Variants in DCAKD observed in about 807,000 individuals in gnomAD.
DCAKD encodes dephospho-CoA kinase domain-containing protein.
A neutral mutation model predicts 18.7 loss-of-function variants in DCAKD; 15 were observed. The observed-to-expected ratio is 0.80, with a 90% CI of 0.54 to 1.24. The LOEUF is 1.24. Ranked by LOEUF, DCAKD falls within the 50% of genes most tolerant of loss-of-function variation. DCAKD has a pLI of 0.00. For missense variants in DCAKD, 301 were observed against 322.0 expected, an observed-to-expected ratio of 0.93 and a Z score of 0.50; for synonymous variants, 130 against 133.0, an observed-to-expected ratio of 0.98 and a Z score of 0.16.
chr17:45,034,706 G>A (rs2053250031), intron 2 of DCAKD, 68 bp downstream of exon 2: 2 of 1,503,630 alleles, frequency 1.3e-6, no homozygotes, highest in South Asian at 2.4e-5. Flanking sequence ...AAAAAAGGAG[G>A]CATGGCAGAA....
intron 1 of DCAKD, among the ~76,000 whole-genome samples, chr17:45,049,713 C>CT (rs57106886): frequency 0.099 from 11,068 of 111,344 alleles, 753 homozygotes; most frequent in African/African-American, 0.15. Flanking sequence ...TTTTCTTTTC[C>CT]TTTTTTTTTT....
chr17:45,060,941 G>A (rs2053843743), exon 1 of DCAKD: 1 of 846,506 alleles, frequency 1.2e-6, no homozygotes, highest in Non-Finnish European at 1.4e-6. Flanking sequence ...CAGCGGCCCA[G>A]GCACTGGCAA....
intron 3 of DCAKD, among the ~76,000 whole-genome samples, chr17:45,032,448 C>G (rs1222476498): frequency 2.0e-5 from 3 of 152,000 alleles, no homozygotes; most frequent in Admixed American, 1.3e-4. Flanking sequence ...GTTGCTCACT[C>G]AAGGCATGAC....
chr17:45,034,964 G>A lies in DCAKD; in HGVS notation c.-79C>T, dbSNP rs1172164721. ...ACTGGAGAGCAGGGCAAGTGTGGCC[G>A]ATGGGGGCGGTCCACCAGAGGAGTG... is the stretch of plus-strand genomic sequence containing the variant. On this transcript the variant is annotated 5_prime_UTR_variant, in exon 2 of 5. Coordinates refer to ENST00000651974, the MANE Select transcript of DCAKD (RefSeq NM_001288655.2). 26 of 1,467,880 alleles carry A rather than the reference G, an allele frequency of 1.8e-5. No homozygotes were observed. The highest frequency in any genetic ancestry group is 9.4e-5 in the Admixed American group (5 of 53,436). The allele number at this position is 1,467,880 out of a possible 1,614,324, so 90.9% of individuals were successfully genotyped here. A position where few individuals can be genotyped will look rare whatever the true frequency, so the allele number is the denominator to read the frequency against.
intron 1 of DCAKD, among the ~76,000 whole-genome samples, chr17:45,046,862 A>G (rs1340195735): frequency 2.6e-5 from 4 of 152,054 alleles, no homozygotes; most frequent in Non-Finnish European, 5.9e-5. Flanking sequence ...GCTAAATCAT[A>G]CTGAGGTGAG....
chr17:45,034,693 A>AC, intron 2 of DCAKD, 81 bp downstream of exon 2: 2 of 1,448,960 alleles, frequency 1.4e-6, no homozygotes, highest in Non-Finnish European at 1.9e-6. Context: ...TCTGAGACTT[A>AC]TAAAAAAAGG....
At chr17:45,032,370 G>C (rs1385341546) in intron 3 of DCAKD, among the ~76,000 whole-genome samples, 1 of 152,096 alleles carries the variant, frequency 6.6e-6, no homozygotes, top group Non-Finnish European at 1.5e-5. Flanking sequence ...TCAGCATCAT[G>C]GATGTCTGTC....
chr17:45,037,940 TG>T (rs1193516223), intron 1 of DCAKD, among the ~76,000 whole-genome samples: 1 of 150,666 alleles, frequency 6.6e-6, no homozygotes, highest in Non-Finnish European at 1.5e-5. Flanking sequence ...CTAATTTTTT[TG>T]TATTTTTAGT....
intron 4 of DCAKD, among the ~76,000 whole-genome samples, chr17:45,028,277 T>A (rs1484449934): frequency 6.6e-6 from 1 of 150,494 alleles, no homozygotes; most frequent in African/African-American, 2.4e-5. Context: ...CCCAGCTAAT[T>A]TTTTTTGTAT....
chr17:45,026,922 G>GCTGCCCCACATCCA, intron 4 of DCAKD: 1 of 654,334 alleles, frequency 1.5e-6, no homozygotes, highest in Non-Finnish European at 1.9e-6. Flanking sequence ...TCCTGGATGT[G>GCTGCCCCACATCCA]GGGCAGCACC....
chr17:45,042,065 A>G (rs991425327), intron 1 of DCAKD, among the ~76,000 whole-genome samples: 2 of 152,012 alleles, frequency 1.3e-5, no homozygotes, highest in African/African-American at 2.4e-5. Context: ...GCAGTGAGCC[A>G]TGACTGTACC....
chr17:45,043,681 G>A (rs895508091), intron 1 of DCAKD, among the ~76,000 whole-genome samples: 3 of 152,184 alleles, frequency 2.0e-5, no homozygotes, highest in African/African-American at 4.8e-5. Context: ...GTCCTAATAC[G>A]CTCACCTACT....
At chr17:45,034,690 C>G (rs569750882) in intron 2 of DCAKD, 84 bp downstream of exon 2, 2 of 1,430,362 alleles carry the variant, frequency 1.4e-6, no homozygotes, top group African/African-American at 2.8e-5. Context: ...TCCTCTGAGA[C>G]TTATAAAAAA....
chr17:45,060,486 G>C (rs938925596), intron 1 of DCAKD, among the ~76,000 whole-genome samples: 5 of 152,092 alleles, frequency 3.3e-5, no homozygotes, highest in African/African-American at 1.2e-4. Context: ...GCTCCAGCCT[G>C]GGCGACAGAA....
At chr17:45,026,676 C>T (rs1270324009) in intron 4 of DCAKD, 1 of 985,416 alleles carries the variant, frequency 1.0e-6, no homozygotes, top group Non-Finnish European at 1.2e-6. Context: ...AAAACAAATG[C>T]AGCCACTTGC....
chr17:45,058,412 C>T (rs970858265), intron 1 of DCAKD, among the ~76,000 whole-genome samples: 13 of 151,988 alleles, frequency 8.6e-5, no homozygotes, highest in South Asian at 2.1e-4. Context: ...TGAGCCACCA[C>T]GCCCAGCCTA....
intron 1 of DCAKD, among the ~76,000 whole-genome samples, chr17:45,043,243 G>A (rs2053480391): frequency 6.6e-6 from 1 of 150,854 alleles, no homozygotes; most frequent in African/African-American, 2.4e-5. Flanking sequence ...GTGACAGAGT[G>A]AGACTCTGTC....
At chr17:45,025,009 CTTTTT>C (rs747194341) in intron 4 of DCAKD, among the ~76,000 whole-genome samples, 8 of 113,304 alleles carry the variant, frequency 7.1e-5, no homozygotes, top group African/African-American at 1.1e-4. Flanking sequence ...GGCCACAGCT[CTTTTT>C]TTTTTTTTTT....
chr17:45,025,009 CTTTTTTT>C (rs747194341), intron 4 of DCAKD, among the ~76,000 whole-genome samples: 3 of 113,296 alleles, frequency 2.6e-5, no homozygotes, highest in East Asian at 5.0e-4. Context: ...GGCCACAGCT[CTTTTTTT>C]TTTTTTTTTT....
Sources: gnomAD v4.1 joint callset for allele counts (sites outside exome capture counted in the v4.1 genomes callset) on GRCh38, gnomAD v4.1.1 for gene constraint, MANE v1.5 for transcripts, NCBI Gene and HGNC (gene_info 2026-07-23, HGNC 2026-07-21) for gene names.